The following SDK1 variants were observed in gnomAD, a reference collection of about 807,000 sequenced individuals.
SDK1 encodes protein sidekick-1.
A neutral mutation model predicts 245.5 loss-of-function variants in SDK1; 157 were observed. That is an observed-to-expected ratio of 0.64 (90% CI 0.56 to 0.73). The LOEUF (loss-of-function observed/expected upper bound fraction) is 0.73, where lower values mean the gene tolerates loss of function less well. Among genes scored for constraint, SDK1 ranks in the 30% least tolerant of loss-of-function variants. The pLI is 0.00. For synonymous variants in SDK1, 1,647 were observed against 1,278.5 expected, an observed-to-expected ratio of 1.29 and a Z score of -6.15; for missense variants, 3,583 against 3,002.3, an observed-to-expected ratio of 1.19 and a Z score of -4.52.
At chr7:3,488,865 C>G (rs755748587) in intron 1 of SDK1, among the ~76,000 whole-genome samples, 7 of 151,704 alleles carry the variant, frequency 4.6e-5, no homozygotes, top group Non-Finnish European at 8.8e-5. Flanking sequence ...TTGCATGTCC[C>G]CTTTCTAGCA....
intron 1 of SDK1, among the ~76,000 whole-genome samples, chr7:3,316,070 C>T (rs1001888399): frequency 6.6e-6 from 1 of 151,936 alleles, no homozygotes; most frequent in East Asian, 1.9e-4. Context: ...TTCATACATT[C>T]AAGTTAATGG....
intron 4 of SDK1, among the ~76,000 whole-genome samples, chr7:3,678,661 C>G (rs1053367452): frequency 2.0e-5 from 3 of 152,104 alleles, no homozygotes; most frequent in African/African-American, 7.2e-5. Flanking sequence ...GTCACAGGTA[C>G]AGAGTTTCTG....
intron 5 of SDK1, among the ~76,000 whole-genome samples, chr7:3,948,444 A>T (rs1780664255): frequency 6.6e-6 from 1 of 151,752 alleles, no homozygotes; most frequent in Admixed American, 6.6e-5. Flanking sequence ...TTGTATTTTT[A>T]GTAGAGATGG....
At chr7:3,359,038 T>A (rs1471648063) in intron 1 of SDK1, among the ~76,000 whole-genome samples, 1 of 152,306 alleles carries the variant, frequency 6.6e-6, no homozygotes, top group African/African-American at 2.4e-5. Context: ...AGGGATTGTT[T>A]TTGGCATTTT....
intron 5 of SDK1, among the ~76,000 whole-genome samples, chr7:3,932,518 A>G (rs539350891): frequency 3.8e-4 from 58 of 152,322 alleles, no homozygotes; most frequent in African/African-American, 1.3e-3. Context: ...GCACCGTGGG[A>G]CTGACTTTAT....
intron 4 of SDK1, among the ~76,000 whole-genome samples, chr7:3,747,954 T>C (rs1779672220): frequency 6.6e-6 from 1 of 152,136 alleles, no homozygotes; most frequent in African/African-American, 2.4e-5. Context: ...AGGAAACTGA[T>C]ACGAAAAATA....
chr7:3,775,466 C>T (rs1029713137), intron 4 of SDK1, among the ~76,000 whole-genome samples: 12 of 151,678 alleles, frequency 7.9e-5, no homozygotes, highest in African/African-American at 2.7e-4. Flanking sequence ...GTTTCCCAGA[C>T]CAGATGTATC....
chr7:3,662,933 A>G (rs572131701), intron 4 of SDK1, among the ~76,000 whole-genome samples: 1 of 152,334 alleles, frequency 6.6e-6, no homozygotes, highest in Admixed American at 6.5e-5. Context: ...CGAAGCACTT[A>G]TGGTTCCAAG....
chr7:3,695,955 A>G (rs1380057647), intron 4 of SDK1, among the ~76,000 whole-genome samples: 1 of 152,140 alleles, frequency 6.6e-6, no homozygotes, highest in African/African-American at 2.4e-5. Flanking sequence ...GGAGTTGCTG[A>G]CGCTCATTGG....
intron 4 of SDK1, among the ~76,000 whole-genome samples, chr7:3,679,381 A>C (rs960783315): frequency 6.6e-6 from 1 of 152,162 alleles, no homozygotes; most frequent in African/African-American, 2.4e-5. Flanking sequence ...CCTGGCTAAC[A>C]TGGTGAAACC....
chr7:4,265,352 A>G lies in SDK1; in HGVS notation c.6610A>G (p.Thr2204Ala). 1.4e-6 allele frequency: 2 copies of G among 1,457,420 alleles called. No individual in the cohort carries two copies. Among genetic ancestry groups the G allele is most frequent in the Non-Finnish European group, 1.8e-6 (2 of 1,117,750 alleles). The allele number at this position is 1,457,420 out of a possible 1,614,324, so 90.3% of individuals were successfully genotyped here. ...VYTPAGPGAR[T>A]PLTGFSSFV Reference sequence around the variant, plus strand: ...CACCCCCGCTGGCCCCGGCGCGCGAACTCCGCTCACCGGCTTCTCCTCCTT... The same window carrying G: ...CACCCCCGCTGGCCCCGGCGCGCGAGCTCCGCTCACCGGCTTCTCCTCCTT... The change falls in exon 45 of 45, where the codon ACT becomes GCT. Residue 2204 changes from threonine to alanine, a missense_variant. Physicochemically the swap from Thr to Ala is moderately conservative, Grantham distance 58. Transcript: ENST00000404826.
intron 17 of SDK1, among the ~76,000 whole-genome samples, chr7:4,039,488 C>A (rs547196304): frequency 6.6e-6 from 1 of 152,098 alleles, no homozygotes; most frequent in Admixed American, 6.5e-5. Flanking sequence ...TGCATACATC[C>A]TCAAGAATGT....
intron 5 of SDK1, among the ~76,000 whole-genome samples, chr7:3,909,348 C>T (rs775881944): frequency 6.6e-6 from 1 of 152,236 alleles, no homozygotes; most frequent in Non-Finnish European, 1.5e-5. Flanking sequence ...GACACCCCAT[C>T]TACTGTGCAG....
intron 4 of SDK1, among the ~76,000 whole-genome samples, chr7:3,687,624 G>C (rs1165252286): frequency 1.3e-5 from 2 of 152,170 alleles, no homozygotes; most frequent in African/African-American, 4.8e-5. Flanking sequence ...AGTCCCAAGA[G>C]ATCGCATATG....
chr7:3,410,731 C>A (rs1779178892), intron 1 of SDK1, among the ~76,000 whole-genome samples: 1 of 151,906 alleles, frequency 6.6e-6, no homozygotes, highest in Admixed American at 6.6e-5. Context: ...GGGTTACAGG[C>A]ACACACTACC....
intron 1 of SDK1, among the ~76,000 whole-genome samples, chr7:3,524,450 G>C (rs184398441): frequency 2.6e-4 from 39 of 152,276 alleles, no homozygotes; most frequent in Admixed American, 2.0e-3. Flanking sequence ...TAGCAGTACA[G>C]ATGGCAGGAA....
chr7:3,827,454 C>G (rs1160493805), intron 5 of SDK1, among the ~76,000 whole-genome samples: 1 of 152,064 alleles, frequency 6.6e-6, no homozygotes, highest in South Asian at 2.1e-4. Flanking sequence ...CAGGTGCCAA[C>G]CAAAGGGAGA....
At chr7:3,801,142 A>C (rs1779097054) in intron 4 of SDK1, among the ~76,000 whole-genome samples, 1 of 152,224 alleles carries the variant, frequency 6.6e-6, no homozygotes. Context: ...CGGATGATTA[A>C]ATAAGACACA....
chr7:3,684,814 C>G (rs1456151007), intron 4 of SDK1, among the ~76,000 whole-genome samples: 1 of 151,338 alleles, frequency 6.6e-6, no homozygotes, highest in Non-Finnish European at 1.5e-5. Flanking sequence ...CAATGGAAAG[C>G]AGAGAACTGA....
Sources: allele counts gnomAD v4.1 joint callset (sites outside exome capture counted in the v4.1 genomes callset), GRCh38; gene constraint gnomAD v4.1.1; transcripts MANE v1.5; gene names NCBI Gene and HGNC (gene_info 2026-07-23, HGNC 2026-07-21).